UTS2B: variants seen among roughly 807,000 people sequenced by gnomAD.
The protein encoded by UTS2B is urotensin 2B, also known as urotensin-2B.
Under a neutral mutation model 19.2 loss-of-function variants are expected in UTS2B, and 21 were observed. The ratio of observed to expected loss-of-function variants is 1.09; its 90% CI spans 0.78 to 1.58. UTS2B has a LOEUF of 1.58. Ranked by LOEUF, UTS2B falls within the 40% of genes most tolerant of loss-of-function variation. The pLI, the probability that UTS2B is intolerant of heterozygous loss-of-function variation, is 0.00. For missense variants in UTS2B, 138 were observed against 130.3 expected (o/e 1.06, Z -0.29); for synonymous variants, 57 against 50.2 (o/e 1.14, Z -0.58).
intron 5 of UTS2B, among the ~76,000 whole-genome samples, chr3:191,279,463 T>C (rs1387981661): frequency 1.3e-5 from 2 of 152,006 alleles, no homozygotes; most frequent in African/African-American, 2.4e-5. Context: ...AGAAGGGATA[T>C]TTCAGAGCCA....
chr3:191,293,573 T>G (rs1033787759), intron 4 of UTS2B, among the ~76,000 whole-genome samples: 1 of 152,000 alleles, frequency 6.6e-6, no homozygotes, highest in Non-Finnish European at 1.5e-5. Flanking sequence ...AAGTTGGCAG[T>G]AATATCCCCA....
chr3:191,341,803 A>AC, the UTS2B span, among the ~76,000 whole-genome samples: 1 of 152,022 alleles, frequency 6.6e-6, no homozygotes, highest in Non-Finnish European at 1.5e-5. Flanking sequence ...TCTATGTGTA[A>AC]CTCCCTGTTA....
At chr3:191,272,185 C>T (rs1716111102) in intron 8 of UTS2B, among the ~76,000 whole-genome samples, 1 of 152,168 alleles carries the variant, frequency 6.6e-6, no homozygotes, top group Non-Finnish European at 1.5e-5. Context: ...GATTTAAAGG[C>T]TATTTTATCA....
Position 191,270,946 on chromosome 3 carries a change from C to T in UTS2B, c.335-2505G>A, listed in dbSNP as rs552707281. Among the ~76,000 whole-genome samples, 143 of 152,228 alleles carry T rather than the reference C, an allele frequency of 9.4e-4. 1 individual carries two copies. The highest frequency in any genetic ancestry group is 3.3e-3 in the African/African-American group (135 of 41,526). On this transcript the variant is annotated intron_variant, in intron 8 of 8. Transcript: ENST00000340524. ...AAGGGCCAGTTGTGGTGGCTCATGC[C>T]TGTAATCCCAGCACTTTGGGAGGAC...
chr3:191,339,456 T>A, the UTS2B span, among the ~76,000 whole-genome samples: 4 of 152,232 alleles, frequency 2.6e-5, no homozygotes, highest in African/African-American at 9.6e-5. Flanking sequence ...GAATCTTGTC[T>A]TCCTGTTCCT....
At chr3:191,331,293 G>A (rs1204869606), upstream of UTS2B, among the ~76,000 whole-genome samples, 1 of 152,282 alleles carries the variant, frequency 6.6e-6, no homozygotes, top group Admixed American at 6.5e-5. Context: ...CCCTATTCAT[G>A]TGAGTGAAAA....
intron 4 of UTS2B, among the ~76,000 whole-genome samples, chr3:191,300,566 G>C (rs557333049): frequency 1.3e-5 from 2 of 152,224 alleles, no homozygotes; most frequent in East Asian, 1.9e-4. Context: ...AGGGATGGCT[G>C]TATTGCAATG....
intron 5 of UTS2B, among the ~76,000 whole-genome samples, chr3:191,280,043 G>A (rs1409763760): frequency 6.6e-6 from 1 of 152,046 alleles, no homozygotes; most frequent in Non-Finnish European, 1.5e-5. Context: ...TCCAATACGA[G>A]AGAGTGTTTT....
At chr3:191,291,744 G>A (rs1026129720) in intron 4 of UTS2B, among the ~76,000 whole-genome samples, 14 of 152,242 alleles carry the variant, frequency 9.2e-5, no homozygotes, top group African/African-American at 1.7e-4. Flanking sequence ...GAGCCACCGC[G>A]CCCGGCCTGA....
At chr3:191,276,499 G>A (rs1367575421) in intron 7 of UTS2B, among the ~76,000 whole-genome samples, 1 of 152,162 alleles carries the variant, frequency 6.6e-6, no homozygotes, top group Non-Finnish European at 1.5e-5. Context: ...CCATTCTACA[G>A]ATGAGGAGAT....
intron 3 of UTS2B, among the ~76,000 whole-genome samples, chr3:191,313,616 C>T (rs1717362421): frequency 6.6e-6 from 1 of 151,916 alleles, no homozygotes; most frequent in South Asian, 2.1e-4. Context: ...ATAAATTTGT[C>T]ATACTGTCTG....
chr3:191,290,406 A>C (rs1468063983), intron 4 of UTS2B, among the ~76,000 whole-genome samples: 1 of 152,210 alleles, frequency 6.6e-6, no homozygotes, highest in Non-Finnish European at 1.5e-5. Flanking sequence ...TAAGCACCTC[A>C]CAAATAGTAC....
At chr3:191,306,895 G>A (rs1457944076) in intron 3 of UTS2B, among the ~76,000 whole-genome samples, 1 of 152,158 alleles carries the variant, frequency 6.6e-6, no homozygotes, top group Non-Finnish European at 1.5e-5. Flanking sequence ...GCCTCCCAAA[G>A]TGCTGGGATT....
intron 3 of UTS2B, among the ~76,000 whole-genome samples, chr3:191,309,156 C>A (rs1458252386): frequency 6.6e-6 from 1 of 152,002 alleles, no homozygotes; most frequent in Non-Finnish European, 1.5e-5. Context: ...CAGGGACTGG[C>A]TTTCTTGTTT....
intron 4 of UTS2B, among the ~76,000 whole-genome samples, chr3:191,286,422 T>C (rs755957176): frequency 9.9e-5 from 15 of 152,094 alleles, no homozygotes; most frequent in Non-Finnish European, 2.1e-4. Context: ...TCTTATATCT[T>C]CTCCAACTGC....
chr3:191,284,603 T>C (rs1186838648), intron 4 of UTS2B, among the ~76,000 whole-genome samples: 1 of 150,966 alleles, frequency 6.6e-6, no homozygotes, highest in Non-Finnish European at 1.5e-5. Flanking sequence ...ATTACAGGTG[T>C]GAGCCACTGC....
chr3:191,275,220 G>C (rs749401739), intron 8 of UTS2B, 32 bp downstream of exon 8: 1 of 1,484,862 alleles, frequency 6.7e-7, no homozygotes, highest in African/African-American at 1.4e-5. Flanking sequence ...TCTTTTGGAA[G>C]TCAATCTTAA....
chr3:191,319,329 G>C (rs1029341276), intron 2 of UTS2B, among the ~76,000 whole-genome samples: 2 of 152,178 alleles, frequency 1.3e-5, no homozygotes, highest in African/African-American at 4.8e-5. Flanking sequence ...CATGACAATA[G>C]GTATTGATAA....
At chr3:191,289,198 A>C (rs2108582263) in intron 4 of UTS2B, among the ~76,000 whole-genome samples, 1 of 152,182 alleles carries the variant, frequency 6.6e-6, no homozygotes, top group Non-Finnish European at 1.5e-5. Context: ...TCACGAAGTC[A>C]GGAGATCGAG....
Sources: gnomAD v4.1 joint callset for allele counts (sites outside exome capture counted in the v4.1 genomes callset) on GRCh38, gnomAD v4.1.1 for gene constraint, MANE v1.5 for transcripts, NCBI Gene and HGNC (gene_info 2026-07-23, HGNC 2026-07-21) for gene names.